PRR33: variants seen among roughly 807,000 people sequenced by gnomAD.
The protein encoded by PRR33 is proline-rich protein 33.
A neutral mutation model predicts 0.5 loss-of-function variants in PRR33; 1 was observed. That is an observed-to-expected ratio of 2.18 (90% CI 0.77 to 10.34). The LOEUF is 10.34. Among genes scored for constraint, PRR33 ranks in the 30% most tolerant of loss-of-function variants. The pLI is 0.13. For synonymous variants in PRR33, 226 were observed against 110.0 expected (o/e 2.06, Z -6.60); for missense variants, 552 against 251.8 (o/e 2.19, Z -8.07).
chr11:1,894,196 A>C, upstream of PRR33, among the ~76,000 whole-genome samples: 1 of 133,466 alleles, frequency 7.5e-6, no homozygotes, highest in Non-Finnish European at 1.6e-5. Flanking sequence ...TCAGAGCCTC[A>C]CTCTGTTTCC....
At chr11:1,897,321 T>C in the PRR33 span, among the ~76,000 whole-genome samples, 1 of 152,240 alleles carries the variant, frequency 6.6e-6, no homozygotes, top group Admixed American at 6.5e-5. This position sits in a 1 kb window ranked among gnomAD's most constrained non-coding sequence, Gnocchi z 4.0. Context: ...AATGTACTTG[T>C]TTGGTCCCAA....
the PRR33 span, among the ~76,000 whole-genome samples, chr11:1,903,778 A>T: frequency 2.6e-5 from 4 of 152,232 alleles, no homozygotes; most frequent in East Asian, 5.8e-4. Flanking sequence ...CTCGTGATCA[A>T]CTGAGCAATG....
chr11:1,888,314 G>A (rs554362274), exon 1 of PRR33, among the ~76,000 whole-genome samples: 2 of 152,266 alleles, frequency 1.3e-5, no homozygotes, highest in South Asian at 4.1e-4. Context: ...CCCCACCAGG[G>A]CCACAGCCCC....
exon 1 of PRR33, chr11:1,890,307 G>A (rs1272013801): frequency 2.8e-6 from 2 of 711,592 alleles, no homozygotes; most frequent in African/African-American, 3.5e-5. Flanking sequence ...AGGAAGGCGT[G>A]GGGCTTCGGC....
chr11:1,889,291 G>T, exon 1 of PRR33: 2 of 698,656 alleles, frequency 2.9e-6, no homozygotes, highest in Admixed American at 4.2e-5. Flanking sequence ...AAGGGCAGGC[G>T]GGTGAGGCTG....
At chr11:1,897,188 G>A in the PRR33 span, among the ~76,000 whole-genome samples, 3 of 152,244 alleles carry the variant, frequency 2.0e-5, no homozygotes, top group African/African-American at 7.2e-5. This position sits in a 1 kb window ranked among gnomAD's most constrained non-coding sequence, Gnocchi z 4.0. Context: ...TACGTCTCCA[G>A]TGAGGTTTCA....
chr11:1,898,686 T>C, the PRR33 span, among the ~76,000 whole-genome samples: 122 of 152,120 alleles, frequency 8.0e-4, no homozygotes, highest in African/African-American at 2.6e-3. Context: ...TGTGATTGAT[T>C]GGGAAGCAAC....
the PRR33 span, among the ~76,000 whole-genome samples, chr11:1,913,300 T>G: frequency 0.89 from 132,868 of 149,106 alleles, 59,659 homozygotes; most frequent in Non-Finnish European, 0.95. Context: ...CTAACTTTTT[T>G]GTTTTTTTTT....
chr11:1,889,291 G>A (rs1400192327), exon 1 of PRR33: 12 of 698,538 alleles, frequency 1.7e-5, no homozygotes, highest in Admixed American at 1.5e-4. Flanking sequence ...AAGGGCAGGC[G>A]GGTGAGGCTG....
chr11:1,890,028 G>A (rs1043362467), exon 1 of PRR33: 1 of 689,118 alleles, frequency 1.5e-6, no homozygotes, highest in Admixed American at 2.1e-5. Context: ...TGGGGATGGT[G>A]CCAGCTGGAT....
the PRR33 span, among the ~76,000 whole-genome samples, chr11:1,917,349 C>G: frequency 2.0e-5 from 3 of 152,198 alleles, no homozygotes; most frequent in Admixed American, 6.5e-5. Context: ...GAGCTGCAGC[C>G]AAGACACTCA....
the PRR33 span, among the ~76,000 whole-genome samples, chr11:1,913,542 G>T: frequency 6.6e-6 from 1 of 152,106 alleles, no homozygotes; most frequent in Non-Finnish European, 1.5e-5. Context: ...TTCTCCTTCA[G>T]TTCCAGCCTC....
At chr11:1,907,429 C>T in the PRR33 span, among the ~76,000 whole-genome samples, 26 of 152,258 alleles carry the variant, frequency 1.7e-4, no homozygotes, top group African/African-American at 5.1e-4. Flanking sequence ...TTTATCTATT[C>T]GAGATGGAGT....
exon 1 of PRR33, chr11:1,890,496 T>C (rs1848954150): frequency 1.4e-6 from 1 of 717,020 alleles, no homozygotes; most frequent in African/African-American, 1.7e-5. Context: ...CTTCCCTGGC[T>C]TGGGCAGCAG....
chr11:1,899,076 T>A, the PRR33 span, among the ~76,000 whole-genome samples: 1 of 152,106 alleles, frequency 6.6e-6, no homozygotes, highest in South Asian at 2.1e-4. Flanking sequence ...ACATATAGGA[T>A]TGGCTGCAAA....
chr11:1,913,545 C>G, the PRR33 span, among the ~76,000 whole-genome samples: 88 of 152,176 alleles, frequency 5.8e-4, 1 homozygote, highest in Non-Finnish European at 8.5e-4. Context: ...TCCTTCAGTT[C>G]CAGCCTCACC....
chr11:1,895,115 T>C (rs1849109428), upstream of PRR33, among the ~76,000 whole-genome samples: 3 of 152,154 alleles, frequency 2.0e-5, no homozygotes, highest in African/African-American at 7.2e-5. Flanking sequence ...TTTCCTATTG[T>C]TGAGTTTGAG....
chr11:1,893,363 G>A (rs1849071336), upstream of PRR33, among the ~76,000 whole-genome samples: 2 of 152,068 alleles, frequency 1.3e-5, no homozygotes, highest in Non-Finnish European at 1.5e-5. Flanking sequence ...GTGGGTGGAT[G>A]GATGGACTAA....
the PRR33 span, among the ~76,000 whole-genome samples, chr11:1,914,983 G>A: frequency 6.7e-6 from 1 of 150,176 alleles, no homozygotes; most frequent in African/African-American, 2.5e-5. Flanking sequence ...TGTGTTGGGT[G>A]TACAAACCTG....
Sources: allele counts gnomAD v4.1 joint callset (sites outside exome capture counted in the v4.1 genomes callset), GRCh38; gene constraint gnomAD v4.1.1; non-coding constraint Gnocchi (gnomAD v3.1); transcripts MANE v1.5; gene names NCBI Gene and HGNC (gene_info 2026-07-23, HGNC 2026-07-21).